The following EVI5 variants were observed in gnomAD, a reference collection of about 807,000 sequenced individuals.
EVI5 encodes the protein ecotropic viral integration site 5, also known as ecotropic viral integration site 5 protein homolog.
A neutral mutation model predicts 112.0 loss-of-function variants in EVI5; 73 were observed. The ratio of observed to expected loss-of-function variants is 0.65; its 90% confidence interval spans 0.54 to 0.79. The LOEUF (loss-of-function observed/expected upper bound fraction) is 0.79, where lower values mean the gene tolerates loss of function less well. EVI5 is among the 30% of genes least tolerant of loss of function. The pLI is 0.00. For missense variants in EVI5, 900 were observed against 968.8 expected (o/e 0.93, Z 0.94); for synonymous variants, 305 against 319.9 (o/e 0.95, Z 0.50).
chr1:92,597,765 A>G (rs756187562), intron 18 of EVI5, among the ~76,000 whole-genome samples: 1 of 152,220 alleles, frequency 6.6e-6, no homozygotes, highest in Non-Finnish European at 1.5e-5. Context: ...TAAGCACCCA[A>G]TATAGCAACG....
At chr1:92,656,783 A>AG (rs1663059409) in intron 13 of EVI5, among the ~76,000 whole-genome samples, 1 of 152,216 alleles carries the variant, frequency 6.6e-6, no homozygotes. Flanking sequence ...AAAACCTAGA[A>AG]GAAAGGGATA....
chr1:92,778,619 G>T (rs1314071029), intron 1 of EVI5, among the ~76,000 whole-genome samples: 2 of 152,136 alleles, frequency 1.3e-5, no homozygotes, highest in South Asian at 4.1e-4. Context: ...GGGACAAAAG[G>T]AAAGATAAAT....
intron 18 of EVI5, among the ~76,000 whole-genome samples, chr1:92,582,832 A>G (rs929049132): frequency 6.6e-6 from 1 of 152,118 alleles, no homozygotes; most frequent in Non-Finnish European, 1.5e-5. Flanking sequence ...TAATCATATA[A>G]ATTCATAAAG....
intron 13 of EVI5, among the ~76,000 whole-genome samples, chr1:92,645,568 C>T (rs1297773893): frequency 1.3e-5 from 2 of 152,262 alleles, no homozygotes; most frequent in Non-Finnish European, 2.9e-5. Context: ...CCCCTACCTA[C>T]AGGCTCAGAT....
At chr1:92,549,902 G>T (rs535202525) in intron 19 of EVI5, among the ~76,000 whole-genome samples, 21 of 152,306 alleles carry the variant, frequency 1.4e-4, no homozygotes, top group Admixed American at 3.9e-4. Context: ...CAGTTGGTGG[G>T]ACTGTAAACT....
intron 13 of EVI5, among the ~76,000 whole-genome samples, chr1:92,641,324 CAG>C (rs1659927867): frequency 6.6e-6 from 1 of 152,138 alleles, no homozygotes; most frequent in Non-Finnish European, 1.5e-5. Context: ...CAGAACCAAA[CAG>C]TGCTTTTCAT....
At chr1:92,563,863 C>A (rs1669002604) in intron 18 of EVI5, 126 bp from the exon 19 acceptor site, 2 of 487,426 alleles carry the variant, frequency 4.1e-6, no homozygotes, top group Non-Finnish European at 7.4e-6. Context: ...TGAACAAATC[C>A]ATTCTCAAAC....
At chr1:92,699,588 A>C (rs1273676858) in intron 5 of EVI5, among the ~76,000 whole-genome samples, 3 of 152,154 alleles carry the variant, frequency 2.0e-5, no homozygotes, top group Admixed American at 2.0e-4. Flanking sequence ...TCATTGTGCG[A>C]ACATCATAGA....
rs545867185 is a variant in EVI5 at position 92,683,870 on chromosome 1, T to C, written c.1098-6652A>G. 7.9e-5 allele frequency among the ~76,000 whole-genome samples: 12 copies of C among 151,904 alleles called. No homozygotes were observed. In the East Asian group the frequency reaches 2.3e-3, roughly 30 times the overall value. ...GAGAGAAAAAAAGAGTGAAAAGAAATGAACAAAGACTCCAAGAAATATGGG... is the reference window on the plus strand; with the variant it reads ...GAGAGAAAAAAAGAGTGAAAAGAAACGAACAAAGACTCCAAGAAATATGGG... On this transcript the variant is annotated intron_variant, in intron 9 of 19. Coordinates refer to ENST00000684568, the MANE Select transcript of EVI5 (RefSeq NM_001350197.2).
At chr1:92,790,720 A>G (rs536941503) in intron 1 of EVI5, among the ~76,000 whole-genome samples, 9 of 150,728 alleles carry the variant, frequency 6.0e-5, no homozygotes, top group South Asian at 2.1e-4. Context: ...TAGGGAGGCT[A>G]AGGTGGGAAG....
In EVI5 at chr1:92,509,112, T is replaced by A. The variant is rs2101608517; in HGVS notation, c.*4544A>T. On this transcript the variant is annotated 3_prime_UTR_variant, in exon 20 of 20. Transcript: ENST00000684568. Reference sequence around the variant, plus strand: ...TGTTAATATACATTAATCAAGCTGGTCATGAAACAGTTTTACCAAAATATA... The same window carrying A: ...TGTTAATATACATTAATCAAGCTGGACATGAAACAGTTTTACCAAAATATA... 6.6e-6 allele frequency: 1 copy of A among 152,508 alleles called. No individual in the cohort carries two copies. The highest frequency in any genetic ancestry group is 6.5e-5 in the Admixed American group (1 of 15,306). The allele number at this position is 152,508 out of a possible 1,614,324, so 9.4% of individuals were successfully genotyped here.
intron 1 of EVI5, among the ~76,000 whole-genome samples, chr1:92,779,546 A>G (rs1553275635): frequency 6.6e-6 from 1 of 151,980 alleles, no homozygotes; most frequent in Non-Finnish European, 1.5e-5. Flanking sequence ...GCTTAAGAAA[A>G]CGATTTTTAA....
intron 16 of EVI5, among the ~76,000 whole-genome samples, chr1:92,616,795 T>G (rs886225623): frequency 6.6e-6 from 1 of 152,162 alleles, no homozygotes; most frequent in Non-Finnish European, 1.5e-5. Flanking sequence ...GAAGTGACTA[T>G]GGGTCATCAA....
chr1:92,647,528 C>A (rs1661202789), intron 13 of EVI5: 2 of 521,430 alleles, frequency 3.8e-6, no homozygotes, highest in African/African-American at 1.9e-5. Flanking sequence ...TTGGAAAATT[C>A]TGCAAAATTG....
At chr1:92,769,428 G>T (rs1683074573) in intron 1 of EVI5, among the ~76,000 whole-genome samples, 1 of 151,986 alleles carries the variant, frequency 6.6e-6, no homozygotes, top group East Asian at 1.9e-4. Flanking sequence ...TTGATCTTCT[G>T]TCCTTGTCAG....
intron 10 of EVI5, among the ~76,000 whole-genome samples, chr1:92,670,159 G>C (rs959861364): frequency 6.6e-6 from 1 of 152,038 alleles, no homozygotes; most frequent in African/African-American, 2.4e-5. Context: ...TTTTATAACT[G>C]GCTATGGAAA....
intron 19 of EVI5, among the ~76,000 whole-genome samples, chr1:92,544,122 G>C (rs1414161496): frequency 6.6e-6 from 1 of 152,200 alleles, no homozygotes; most frequent in East Asian, 1.9e-4. Flanking sequence ...TCCAGAATTG[G>C]GAAATGTGTA....
intron 9 of EVI5, among the ~76,000 whole-genome samples, chr1:92,683,758 A>T (rs748291941): frequency 2.0e-5 from 3 of 152,320 alleles, no homozygotes; most frequent in Non-Finnish European, 2.9e-5. Flanking sequence ...ACTTCGTGAC[A>T]CATGCACAAG....
chr1:92,656,459 A>G (rs1257915802), intron 13 of EVI5, among the ~76,000 whole-genome samples: 2 of 152,016 alleles, frequency 1.3e-5, no homozygotes, highest in African/African-American at 4.8e-5. Context: ...ATCACAAATT[A>G]ACAACCTGGC....
Sources: allele counts gnomAD v4.1 joint callset (sites outside exome capture counted in the v4.1 genomes callset), GRCh38; gene constraint gnomAD v4.1.1; transcripts MANE v1.5; gene names NCBI Gene and HGNC (gene_info 2026-07-23, HGNC 2026-07-21).